Variants in MAP3K5 observed in about 807,000 individuals in gnomAD.
MAP3K5 encodes mitogen-activated protein kinase kinase kinase 5.
A neutral mutation model predicts 158.7 loss-of-function variants in MAP3K5; 56 were observed. The ratio of observed to expected loss-of-function variants is 0.35; its 90% CI spans 0.28 to 0.44. The LOEUF is 0.44. Among genes scored for constraint, MAP3K5 ranks in the 20% least tolerant of loss-of-function variants. MAP3K5 has a pLI of 1.00. For missense variants in MAP3K5, 1,294 were observed against 1,674.8 expected (o/e 0.77, Z 3.97); for synonymous variants, 579 against 601.7 (o/e 0.96, Z 0.55).
chr6:136,790,838 C>G (rs1025040298), intron 1 of MAP3K5, among the ~76,000 whole-genome samples: 1 of 152,176 alleles, frequency 6.6e-6, no homozygotes, highest in African/African-American at 2.4e-5. Context: ...GGTATTATTC[C>G]TAACATTTGC....
Position 136,635,807 on chromosome 6 carries a change from GGAGGTCAA to G in MAP3K5, c.2016+1510_2016+1517del, listed in dbSNP as rs1431737889. On this transcript the variant is annotated intron_variant, in intron 14 of 29. Transcript: ENST00000359015. ...GAAGTGGGAGGATTGCTTGAGCCCA[GGAGGTCAA>G]GAGGCTACAATGAGCTGTGATTGTG... 3.0e-4 allele frequency among the ~76,000 whole-genome samples: 45 copies of G among 151,606 alleles called. 1 individual carries two copies. Among genetic ancestry groups the G allele is most frequent in the African/African-American group, 9.0e-4 (37 of 41,300 alleles).
rs542853198 is a variant in MAP3K5 at position 136,633,088 on chromosome 6, GA to G, written c.2016+4236del. Among the ~76,000 whole-genome samples, 365 of 152,140 alleles carry G rather than the reference GA, an allele frequency of 2.4e-3. 2 individuals carry two copies. Among genetic ancestry groups the G allele is most frequent in the Non-Finnish European group, 4.1e-3 (281 of 67,996 alleles). ...ATATTATTTTAAAAATTAGAGGTAG[GA>G]AAAGACATTAAAGATCCTCTTGCTC... is the stretch of plus-strand genomic sequence containing the variant. On this transcript the variant is annotated intron_variant, in intron 14 of 29. Transcript: ENST00000359015.
At position 136,580,407 on chromosome 6, in the gene MAP3K5, C is replaced by G. The variant is rs1408405027; in HGVS notation, c.3412-1G>C. On this transcript the variant is annotated splice_acceptor_variant, in intron 24 of 29. Transcript: ENST00000359015. LOFTEE classifies it high-confidence loss of function. Reference sequence around the variant, plus strand: ...TATGATTCCGAAGAACTTTATTGACCTGGAGAGAGAGTGACATTTAGCCTA... The same window carrying G: ...TATGATTCCGAAGAACTTTATTGACGTGGAGAGAGAGTGACATTTAGCCTA... 6.3e-7 allele frequency: 1 copy of G among 1,595,658 alleles called. No individual in the cohort carries two copies.
At chr6:136,576,519 C>T (rs1774625696) in intron 25 of MAP3K5, among the ~76,000 whole-genome samples, 1 of 152,040 alleles carries the variant, frequency 6.6e-6, no homozygotes, top group Admixed American at 6.6e-5. Flanking sequence ...TTTGGCCAGG[C>T]TGGTCTCAAA....
At chr6:136,641,069 A>T (rs1777907512) in intron 12 of MAP3K5, among the ~76,000 whole-genome samples, 1 of 152,212 alleles carries the variant, frequency 6.6e-6, no homozygotes, top group South Asian at 2.1e-4. Flanking sequence ...ATACTTTCTT[A>T]AGTGGATTGC....
At chr6:136,622,469 T>C (rs1343718836) in intron 15 of MAP3K5, among the ~76,000 whole-genome samples, 1 of 152,210 alleles carries the variant, frequency 6.6e-6, no homozygotes, top group Non-Finnish European at 1.5e-5. Flanking sequence ...CTCTTCAGCT[T>C]TCTACTTGTT....
intron 7 of MAP3K5, among the ~76,000 whole-genome samples, chr6:136,688,332 T>C (rs1040131195): frequency 6.6e-6 from 1 of 152,102 alleles, no homozygotes; most frequent in Non-Finnish European, 1.5e-5. Flanking sequence ...GACGGGTTGA[T>C]GGGTGCAGCA....
intron 2 of MAP3K5, among the ~76,000 whole-genome samples, chr6:136,716,109 G>A (rs1440187269): frequency 6.1e-5 from 9 of 147,206 alleles, no homozygotes; most frequent in African/African-American, 7.5e-5. Flanking sequence ...TCCTTGGGAG[G>A]AGGAGCTATT....
intron 8 of MAP3K5, among the ~76,000 whole-genome samples, chr6:136,660,462 T>C (rs1316597484): frequency 2.0e-5 from 3 of 152,174 alleles, no homozygotes; most frequent in African/African-American, 7.2e-5. Context: ...AATACTGTCT[T>C]GTTATGTCAC....
intron 3 of MAP3K5, among the ~76,000 whole-genome samples, chr6:136,699,443 A>G (rs1161292634): frequency 6.6e-6 from 1 of 152,118 alleles, no homozygotes; most frequent in Non-Finnish European, 1.5e-5. Flanking sequence ...CACTTCCCAC[A>G]GCTGCTTAAA....
At chr6:136,651,162 C>G in intron 10 of MAP3K5, 71 bp from the exon 11 acceptor site, 2 of 729,786 alleles carry the variant, frequency 2.7e-6, no homozygotes, top group Non-Finnish European at 4.8e-6. Context: ...TGCTATAACA[C>G]CCCAGCACCA....
intron 8 of MAP3K5, among the ~76,000 whole-genome samples, chr6:136,660,831 C>T (rs1218277609): frequency 6.6e-6 from 1 of 152,078 alleles, no homozygotes; most frequent in Non-Finnish European, 1.5e-5. Flanking sequence ...ATTAAAGGTC[C>T]CAGACTTACA....
intron 7 of MAP3K5, among the ~76,000 whole-genome samples, chr6:136,687,578 GA>G (rs555980335): frequency 7.3e-5 from 11 of 151,500 alleles, no homozygotes; most frequent in East Asian, 5.8e-4. Flanking sequence ...AAATTTACCA[GA>G]AAAAAAACAA....
intron 19 of MAP3K5, among the ~76,000 whole-genome samples, chr6:136,603,613 CTA>C (rs1195047308): frequency 6.6e-6 from 1 of 152,186 alleles, no homozygotes; most frequent in Non-Finnish European, 1.5e-5. Flanking sequence ...GTGCCACAGT[CTA>C]TGTCATGTCA....
intron 1 of MAP3K5, among the ~76,000 whole-genome samples, chr6:136,755,046 G>A (rs1015543382): frequency 1.3e-5 from 2 of 151,726 alleles, no homozygotes; most frequent in African/African-American, 4.8e-5. Flanking sequence ...GGCCCATCTG[G>A]TCTCCTAACG....
At chr6:136,776,417 A>G (rs1333661571) in intron 1 of MAP3K5, among the ~76,000 whole-genome samples, 2 of 151,946 alleles carry the variant, frequency 1.3e-5, no homozygotes, top group Non-Finnish European at 2.9e-5. Context: ...GCAAATTTTT[A>G]TATTTTTTGT....
chr6:136,646,902 C>T (rs894072758), intron 11 of MAP3K5, among the ~76,000 whole-genome samples: 1 of 152,202 alleles, frequency 6.6e-6, no homozygotes, highest in African/African-American at 2.4e-5. Flanking sequence ...TTAGTTTCAA[C>T]TAAACACGTC....
rs543458889 is a variant in MAP3K5 at position 136,715,630 on chromosome 6, G to A, written c.588+4820C>T. 6.6e-5 allele frequency among the ~76,000 whole-genome samples: 10 copies of A among 152,228 alleles called. No homozygotes were observed. In the South Asian group the frequency reaches 2.1e-3, roughly 32 times the overall value. ...TATTTTATATAGATGGTATGATACT[G>A]TACACAAGTAATTTTTTTACCCCAA... is the stretch of plus-strand genomic sequence containing the variant. On this transcript the variant is annotated intron_variant, in intron 2 of 29. Coordinates refer to ENST00000359015, the MANE Select transcript of MAP3K5 (RefSeq NM_005923.4).
Position 136,720,489 on chromosome 6 carries a change from G to C in MAP3K5, c.549C>G (p.Leu183=). 1 of 1,613,124 alleles carries C rather than the reference G, an allele frequency of 6.2e-7. No individual in the cohort carries two copies. The highest frequency in any genetic ancestry group is 8.5e-7 in the Non-Finnish European group (1 of 1,179,470). ...ESFSMANNII[L]YCDTNSDSLQ... is the part of the protein sequence containing the mutation. The stretch of plus-strand genomic sequence containing the variant: ...GAGAGTCCGAGTTAGTATCACAGTA[G>C]AGGATGATGTTGTTGGCCATGCTGA... Residue 183 remains leucine (L), a synonymous_variant, in exon 2 of 30, where the codon CTC becomes CTG. Transcript: ENST00000359015.
Sources: gnomAD v4.1 joint callset for allele counts (sites outside exome capture counted in the v4.1 genomes callset) on GRCh38, gnomAD v4.1.1 for gene constraint, MANE v1.5 for transcripts, NCBI Gene and HGNC (gene_info 2026-07-23, HGNC 2026-07-21) for gene names.